NUP155: variants seen among roughly 807,000 people sequenced by gnomAD.
NUP155 encodes the protein nucleoporin 155, also known as nuclear pore complex protein Nup155.
A neutral mutation model predicts 180.4 loss-of-function variants in NUP155; 71 were observed. That is an observed-to-expected ratio of 0.39 (90% CI 0.33 to 0.48). The LOEUF (loss-of-function observed/expected upper bound fraction) is 0.48. NUP155 is among the 20% of genes least tolerant of loss of function. The probability of loss-of-function intolerance (pLI) is 0.91; values close to 1 mark genes in which losing one functional copy is unlikely to be tolerated. For missense variants in NUP155, 1,553 were observed against 1,648.9 expected (o/e 0.94, Z 1.01); for synonymous variants, 582 against 559.5 (o/e 1.04, Z -0.57).
intron 18 of NUP155, 112 bp downstream of exon 18, chr5:37,327,516 TA>T: frequency 4.9e-6 from 6 of 1,230,944 alleles, no homozygotes; most frequent in Non-Finnish European, 5.9e-6. Context: ...ACAAGTGAGC[TA>T]AAACTAAAAT....
At chr5:37,330,940 G>A (rs146512218) in intron 14 of NUP155, among the ~76,000 whole-genome samples, 2 of 151,872 alleles carry the variant, frequency 1.3e-5, no homozygotes, top group African/African-American at 4.8e-5. Flanking sequence ...ATGAGGTCAG[G>A]AGATCGAGAC....
At chr5:37,358,282 C>T (rs1170233732) in intron 3 of NUP155, 131 bp from the exon 4 acceptor site, 2 of 712,704 alleles carry the variant, frequency 2.8e-6, no homozygotes, top group Non-Finnish European at 5.1e-6. Context: ...AGTTCAAGAC[C>T]AGCCTGGGCA....
At chr5:37,359,473 T>C (rs986500492) in intron 3 of NUP155, among the ~76,000 whole-genome samples, 1 of 151,968 alleles carries the variant, frequency 6.6e-6, no homozygotes, top group Non-Finnish European at 1.5e-5. Flanking sequence ...AGAGGAACAC[T>C]GAGAAAAAAT....
intron 1 of NUP155, among the ~76,000 whole-genome samples, chr5:37,366,463 G>A (rs545260124): frequency 6.6e-6 from 1 of 151,708 alleles, no homozygotes; most frequent in Non-Finnish European, 1.5e-5. Flanking sequence ...TTTTTGAGAC[G>A]GAGTCTCGCT....
At position 37,328,339 on chromosome 5, in the gene NUP155, A is replaced by T. The variant is rs1744739952; in HGVS notation, c.1876+19T>A. On this transcript the variant is annotated intron_variant, in intron 17 of 34. Coordinates refer to ENST00000231498, the MANE Select transcript of NUP155 (RefSeq NM_153485.3). ...AGCACTTCAAAATGAATCCAATCCA[A>T]AACAAAGAAAAGAGGTACCATGAGA... 6.3e-6 allele frequency: 10 copies of T among 1,581,336 alleles called. No individual in the cohort carries two copies. The highest frequency in any genetic ancestry group is 8.7e-6 in the Non-Finnish European group (10 of 1,150,626).
chr5:37,305,990 G>C (rs1743131610), intron 25 of NUP155, among the ~76,000 whole-genome samples: 1 of 152,180 alleles, frequency 6.6e-6, no homozygotes, highest in African/African-American at 2.4e-5. Flanking sequence ...CAGAATAGAT[G>C]TACATATTTG....
chr5:37,299,123 T>C, intron 31 of NUP155, 145 bp from the exon 32 acceptor site: 3 of 698,422 alleles, frequency 4.3e-6, no homozygotes, highest in Non-Finnish European at 7.7e-6. Flanking sequence ...GTGTTTCTGT[T>C]ATTGTCTGAG....
In NUP155 at chr5:37,323,947, C is replaced by T. The variant is rs74720707; in HGVS notation, c.2207+45G>A. On this transcript the variant is annotated intron_variant, in intron 20 of 34. Transcript: ENST00000231498. ...ATGTAAATCATCTCAACAAAAAATA[C>T]AACGAAAAGAAAAAGATGAATTAAT... 1.5e-5 allele frequency: 20 copies of T among 1,336,386 alleles called. No homozygotes were observed. The Admixed American group carries it at 1.9e-4, about 13-fold the overall frequency. The allele number at this position is 1,336,386 out of a possible 1,614,324, so 82.8% of individuals were successfully genotyped here. A position where few individuals can be genotyped will look rare whatever the true frequency, so the allele number is the denominator to read the frequency against.
chr5:37,342,707 A>G, intron 9 of NUP155, 61 bp from the exon 10 acceptor site: 2 of 1,079,734 alleles, frequency 1.9e-6, no homozygotes, highest in Non-Finnish European at 1.4e-6. Flanking sequence ...TATAAGAAAT[A>G]TTTCCCATCA....
intron 23 of NUP155, 33 bp from the exon 24 acceptor site, chr5:37,309,300 TATAAA>T: frequency 6.3e-7 from 1 of 1,585,354 alleles, no homozygotes; most frequent in Non-Finnish European, 8.6e-7. Flanking sequence ...CTTAAAAATA[TATAAA>T]ATCAAGCAGA....
At chr5:37,364,591 A>T (rs217851) in intron 1 of NUP155, among the ~76,000 whole-genome samples, 1 of 151,974 alleles carries the variant, frequency 6.6e-6, no homozygotes. Flanking sequence ...AGGGAAAGTC[A>T]TATCTCAAAA....
At chr5:37,344,212 G>A (rs566417612) in intron 9 of NUP155, among the ~76,000 whole-genome samples, 9 of 151,686 alleles carry the variant, frequency 5.9e-5, no homozygotes, top group South Asian at 2.1e-4. Flanking sequence ...GAATAGTGGC[G>A]CACATCTAGA....
intron 22 of NUP155, among the ~76,000 whole-genome samples, chr5:37,313,473 ATGTGTGTGTGTG>A (rs34904169): frequency 2.1e-5 from 3 of 143,460 alleles, no homozygotes; most frequent in South Asian, 2.2e-4. Context: ...AGTGGTGTAT[ATGTGTGTGTGTG>A]TGTGTGTGTG....
Position 37,299,513 on chromosome 5 carries a change from A to C in NUP155, c.3617T>G (p.Ile1206Ser), listed in dbSNP as rs768744950. The C allele has an allele frequency of 2.5e-5, 40 of 1,614,004 alleles. No homozygotes were observed. Among genetic ancestry groups the C allele is most frequent in the South Asian group, 2.0e-4 (18 of 91,078 alleles). The change falls in exon 31 of 35, where the codon ATT becomes AGT. Residue 1206 changes from isoleucine to serine, a missense_variant. Ile to Ser is a moderately radical substitution (Grantham distance 142, BLOSUM62 -2). Coordinates refer to ENST00000231498, the MANE Select transcript of NUP155 (RefSeq NM_153485.3). Reference protein sequence around the residue: ...FKLAECKLAIIHCAGYSDPIL... With the variant: ...FKLAECKLAISHCAGYSDPIL... ...AGGGTCTGAATAACCGGCACAATGA[A>C]TTATTGCAAGTTTGCACTCTGCAAG...
chr5:37,345,813 A>G (rs1325836323), intron 9 of NUP155, among the ~76,000 whole-genome samples: 1 of 150,578 alleles, frequency 6.6e-6, no homozygotes, highest in Non-Finnish European at 1.5e-5. Flanking sequence ...GTGAGGCAGG[A>G]GCATTGCTTG....
At chr5:37,352,199 T>C (rs1172089489) in intron 5 of NUP155, among the ~76,000 whole-genome samples, 1 of 151,834 alleles carries the variant, frequency 6.6e-6, no homozygotes, top group Non-Finnish European at 1.5e-5. Context: ...CTACTAAAAA[T>C]ACAAAAAAAT....
At chr5:37,293,015 A>C (rs1356761447) in intron 33 of NUP155, 30 bp from the exon 34 acceptor site, 2 of 1,386,824 alleles carry the variant, frequency 1.4e-6, no homozygotes, top group African/African-American at 2.8e-5. Context: ...ATGAAATGTG[A>C]GGCAAATTGT....
Position 37,370,805 on chromosome 5 carries a change from G to T in NUP155, c.157+16C>A, listed in dbSNP as rs201786682. 158 of 1,614,124 alleles carry T rather than the reference G, an allele frequency of 9.8e-5. No homozygotes were observed. The African/African-American group carries it at 1.8e-3, about 18-fold the overall frequency. ...AGAGTCCTTTAGGTTGAGAAAGCAG[G>T]GTCACTATCACTCACTTGGGGCAGA... On this transcript the variant is annotated intron_variant, in intron 1 of 34. Coordinates refer to ENST00000231498, the MANE Select transcript of NUP155 (RefSeq NM_153485.3).
rs141008281 is a variant in NUP155, at chr5:37,298,958, A to G, written c.3703T>C (p.Leu1235=). The change falls in exon 32 of 35, where the codon TTG becomes CTG. Residue 1235 remains leucine (L), a synonymous_variant. Transcript: ENST00000231498. ...GCATGCATTCTATCCGAGGAGCTCA[A>G]TGTCACACTGTCACTCAATTCTGTA... ...IEKELSDSVT[L]SSSDRMHALS... is the part of the protein sequence containing the mutation. The G allele has an allele frequency of 1.6e-5, 25 of 1,608,618 alleles. No individual in the cohort carries two copies. The African/African-American group carries it at 3.2e-4, about 21-fold the overall frequency.
Sources: gnomAD v4.1 joint callset for allele counts (sites outside exome capture counted in the v4.1 genomes callset) on GRCh38, gnomAD v4.1.1 for gene constraint, MANE v1.5 for transcripts, NCBI Gene and HGNC (gene_info 2026-07-23, HGNC 2026-07-21) for gene names.